AOPEP: variants seen among roughly 807,000 people sequenced by gnomAD.
AOPEP encodes the protein aminopeptidase O.
In AOPEP, 77 loss-of-function variants were observed where a neutral mutation model predicts 98.1. The ratio of observed to expected loss-of-function variants is 0.78; its 90% CI spans 0.65 to 0.95. AOPEP has a LOEUF of 0.95. Among genes scored for constraint, AOPEP ranks in the 40% least tolerant of loss-of-function variants. The pLI, the probability that AOPEP is intolerant of heterozygous loss-of-function variation, is 0.00. For synonymous variants in AOPEP, 346 were observed against 365.3 expected, an observed-to-expected ratio of 0.95 and a Z score of 0.60; for missense variants, 1,024 against 1,024.7, an observed-to-expected ratio of 1.00 and a Z score of 0.01.
At chr9:94,753,717 C>A (rs1211173945) in intron 1 of AOPEP, among the ~76,000 whole-genome samples, 3 of 152,090 alleles carry the variant, frequency 2.0e-5, no homozygotes, top group African/African-American at 7.2e-5. Context: ...TTTAAAAAGA[C>A]AGCCAAGGCA....
Position 94,963,981 on chromosome 9 carries a change from GA to G in AOPEP, c.1873-3775del, listed in dbSNP as rs1278318786. Among the ~76,000 whole-genome samples, 23 of 152,294 alleles carry G rather than the reference GA, an allele frequency of 1.5e-4. No individual in the cohort carries two copies. The East Asian group carries it at 4.4e-3, about 29-fold the overall frequency. Reference sequence around the variant, plus strand: ...AACTAGTGTTTCATGGTTAAAGATGGAATCTATGACAGGAGTAAGAAGGGCC... The same window carrying G: ...AACTAGTGTTTCATGGTTAAAGATGGATCTATGACAGGAGTAAGAAGGGCC... On this transcript the variant is annotated intron_variant, in intron 9 of 16. Transcript: ENST00000375315.
intron 5 of AOPEP, among the ~76,000 whole-genome samples, chr9:94,886,257 A>G (rs1174513151): frequency 6.6e-6 from 1 of 152,212 alleles, no homozygotes; most frequent in African/African-American, 2.4e-5. Flanking sequence ...ACACAAAGAA[A>G]ATAGAGCCAG....
chr9:94,788,066 T>A (rs1844822325), intron 3 of AOPEP, among the ~76,000 whole-genome samples: 1 of 152,082 alleles, frequency 6.6e-6, no homozygotes, highest in Non-Finnish European at 1.5e-5. Flanking sequence ...TCAGTATTCT[T>A]CATTTATATT....
At chr9:95,104,205 C>T in the AOPEP span, among the ~76,000 whole-genome samples, 1 of 152,280 alleles carries the variant, frequency 6.6e-6, no homozygotes, top group South Asian at 2.1e-4. Context: ...ACGCGGCCAC[C>T]GCAGCGAAGG....
At chr9:94,772,974 C>G (rs751969142) in intron 2 of AOPEP, 28 bp from the exon 3 acceptor site, 16 of 1,557,228 alleles carry the variant, frequency 1.0e-5, no homozygotes, top group Non-Finnish European at 1.4e-5. Context: ...AGATTCACCC[C>G]CTTTCTTTCT....
At position 94,800,275 on chromosome 9, in the gene AOPEP, T is replaced by C. The variant is rs114849821; in HGVS notation, c.1119-482T>C. Among the ~76,000 whole-genome samples the C allele has an allele frequency of 8.7e-3, 1,331 of 152,338 alleles. 25 individuals carry two copies. The highest frequency in any genetic ancestry group is 0.03 in the African/African-American group (1,258 of 41,580). ...GAGCCTGTAACTTTCATTTGGTTCA[T>C]GGTTCTCCCTCAGTCCAAGTCTTTT... On this transcript the variant is annotated intron_variant, in intron 4 of 16. Transcript: ENST00000375315.
intron 5 of AOPEP, among the ~76,000 whole-genome samples, chr9:94,833,169 A>AAAGTGAT (rs540371430): frequency 7.1e-4 from 107 of 150,176 alleles, no homozygotes; most frequent in African/African-American, 2.5e-3. Flanking sequence ...CTCCTGACCT[A>AAAGTGAT]AAGTGATCCA....
At position 94,972,930 on chromosome 9, in the gene AOPEP, C is replaced by T. The variant is rs140219503; in HGVS notation, c.1916+5129C>T. ...CGCCAGCCTGGGAGACAGAGTGAGA[C>T]CCTGTCTCAAAAAAAAAAGGAAGAA... On this transcript the variant is annotated intron_variant, in intron 10 of 16. Transcript: ENST00000375315. The surrounding 1 kb of genome is among the most constrained non-coding windows in gnomAD (Gnocchi z 4.2). 1.1e-3 allele frequency among the ~76,000 whole-genome samples: 165 copies of T among 151,864 alleles called. 1 individual carries two copies. The highest frequency in any genetic ancestry group is 3.9e-3 in the African/African-American group (163 of 41,414).
intron 5 of AOPEP, among the ~76,000 whole-genome samples, chr9:94,834,392 T>C (rs1430917308): frequency 6.6e-6 from 1 of 152,192 alleles, no homozygotes; most frequent in East Asian, 1.9e-4. Context: ...AACAAACATT[T>C]ATGAGCTTAT....
At chr9:94,901,429 G>A (rs1211456180) in intron 5 of AOPEP, among the ~76,000 whole-genome samples, 1 of 151,734 alleles carries the variant, frequency 6.6e-6, no homozygotes, top group East Asian at 1.9e-4. Context: ...CTGACACCTA[G>A]CCCAAGTTTC....
intron 5 of AOPEP, among the ~76,000 whole-genome samples, chr9:94,905,609 T>C (rs965887860): frequency 1.3e-5 from 2 of 152,208 alleles, no homozygotes; most frequent in African/African-American, 4.8e-5. Flanking sequence ...CCTGTACATA[T>C]CATGGAGCCC....
At chr9:94,807,664 C>T (rs1849527756) in intron 5 of AOPEP, among the ~76,000 whole-genome samples, 1 of 152,200 alleles carries the variant, frequency 6.6e-6, no homozygotes, top group Non-Finnish European at 1.5e-5. Flanking sequence ...TGAAAAAGAA[C>T]AATGGAGTTC....
At chr9:94,742,007 C>T (rs1833247631) in intron 1 of AOPEP, among the ~76,000 whole-genome samples, 1 of 152,090 alleles carries the variant, frequency 6.6e-6, no homozygotes, top group African/African-American at 2.4e-5. Context: ...GTTCAAGAAA[C>T]CTTCTATGTT....
intron 14 of AOPEP, among the ~76,000 whole-genome samples, chr9:95,062,336 C>T (rs907787890): frequency 9.9e-5 from 15 of 152,244 alleles, no homozygotes; most frequent in Non-Finnish European, 8.8e-5. Context: ...TTTGAGATAA[C>T]GCAGAAAGGC....
chr9:94,937,354 C>T (rs777403126), intron 7 of AOPEP, among the ~76,000 whole-genome samples: 2 of 152,256 alleles, frequency 1.3e-5, no homozygotes, highest in Non-Finnish European at 2.9e-5. Context: ...GGCCTTTTCT[C>T]TGCGTGTGCA....
chr9:94,849,561 C>A (rs913518208), intron 5 of AOPEP, among the ~76,000 whole-genome samples: 2 of 145,262 alleles, frequency 1.4e-5, no homozygotes, highest in Non-Finnish European at 3.0e-5. Context: ...GGTCCCCAAC[C>A]TTTTTGGCAT....
chr9:94,790,997 A>G (rs1845585630), intron 3 of AOPEP, among the ~76,000 whole-genome samples: 1 of 152,148 alleles, frequency 6.6e-6, no homozygotes, highest in Non-Finnish European at 1.5e-5. Flanking sequence ...GATTTACGCT[A>G]ACAGAAGTTC....
At chr9:95,130,370 T>C in the AOPEP span, among the ~76,000 whole-genome samples, 1 of 152,086 alleles carries the variant, frequency 6.6e-6, no homozygotes, top group Non-Finnish European at 1.5e-5. Flanking sequence ...AGGGAAATTA[T>C]ACTATGATTT....
chr9:94,893,318 C>T (rs1057187565), intron 5 of AOPEP, among the ~76,000 whole-genome samples: 2 of 152,020 alleles, frequency 1.3e-5, no homozygotes, highest in East Asian at 3.9e-4. Context: ...AGGAAATAGC[C>T]AGGTAGCAGT....
Sources: allele counts gnomAD v4.1 joint callset (sites outside exome capture counted in the v4.1 genomes callset), GRCh38; gene constraint gnomAD v4.1.1; non-coding constraint Gnocchi (gnomAD v3.1); transcripts MANE v1.5; gene names NCBI Gene and HGNC (gene_info 2026-07-23, HGNC 2026-07-21).